SIPA1L3: variants seen among roughly 807,000 people sequenced by gnomAD.
The protein encoded by SIPA1L3 is signal induced proliferation associated 1 like 3, also known as signal-induced proliferation-associated 1-like protein 3.
Under a neutral mutation model 150.1 loss-of-function variants are expected in SIPA1L3, and 59 were observed. The observed-to-expected ratio is 0.39, with a 90% CI of 0.32 to 0.49. The LOEUF is 0.49. SIPA1L3 is among the 20% of genes least tolerant of loss of function. The probability of loss-of-function intolerance (pLI) is 0.86; values close to 1 mark genes in which losing one functional copy is unlikely to be tolerated. For synonymous variants in SIPA1L3, 1,070 were observed against 1,077.6 expected, an observed-to-expected ratio of 0.99 and a Z score of 0.14; for missense variants, 2,211 against 2,489.5, an observed-to-expected ratio of 0.89 and a Z score of 2.38.
At chr19:38,068,562 A>G (rs533057259) in intron 2 of SIPA1L3, among the ~76,000 whole-genome samples, 19 of 152,226 alleles carry the variant, frequency 1.2e-4, no homozygotes, top group Admixed American at 2.0e-4. Flanking sequence ...GATGGTCATG[A>G]TGGAAGTCCC....
chr19:38,004,081 C>T lies in SIPA1L3; in HGVS notation c.-378-25008C>T, dbSNP rs541112003. On this transcript the variant is annotated intron_variant, in intron 1 of 21. Transcript: ENST00000222345. The stretch of plus-strand genomic sequence containing the variant: ...CTTTTCAGCTACCCTTCAGTGCTTT[C>T]GAATAGTAATTGCTAACGTGTTGAG... Among the ~76,000 whole-genome samples the T allele has an allele frequency of 4.6e-5, 7 of 152,242 alleles. No homozygotes were observed. The East Asian group carries it at 1.4e-3, about 29-fold the overall frequency.
chr19:38,072,318 A>G (rs1259048482), intron 2 of SIPA1L3, among the ~76,000 whole-genome samples: 2 of 152,254 alleles, frequency 1.3e-5, no homozygotes, highest in East Asian at 1.9e-4. Flanking sequence ...GACCTGGACC[A>G]TAGAAGGATT....
chr19:37,947,262 G>C (rs2046720242), intron 1 of SIPA1L3, among the ~76,000 whole-genome samples: 1 of 151,688 alleles, frequency 6.6e-6, no homozygotes, highest in African/African-American at 2.4e-5. Context: ...GGCCGAGGCG[G>C]GCGGATCACA....
chr19:38,065,745 G>T (rs530948217), intron 2 of SIPA1L3, among the ~76,000 whole-genome samples: 3 of 152,162 alleles, frequency 2.0e-5, no homozygotes, highest in African/African-American at 7.2e-5. Context: ...CATGCTTGGC[G>T]TGCAGTGAGC....
intron 10 of SIPA1L3, among the ~76,000 whole-genome samples, chr19:38,139,528 T>G (rs1971522992): frequency 1.3e-5 from 2 of 152,084 alleles, no homozygotes; most frequent in Admixed American, 1.3e-4. Context: ...ACGTTCATAT[T>G]GTTATTGTTC....
intron 15 of SIPA1L3, among the ~76,000 whole-genome samples, chr19:38,173,969 C>A (rs1172809003): frequency 1.4e-5 from 2 of 146,294 alleles, no homozygotes; most frequent in African/African-American, 5.1e-5. Context: ...GAGAGGGGGG[C>A]AGATGGGGGG....
At chr19:37,953,217 T>A (rs968853443) in intron 1 of SIPA1L3, among the ~76,000 whole-genome samples, 1 of 152,040 alleles carries the variant, frequency 6.6e-6, no homozygotes, top group East Asian at 1.9e-4. Flanking sequence ...GAAAGTAGAG[T>A]TTAAGTCTGC....
At chr19:38,136,142 C>T (rs1207502285) in intron 10 of SIPA1L3, among the ~76,000 whole-genome samples, 1 of 125,908 alleles carries the variant, frequency 7.9e-6, no homozygotes, top group Non-Finnish European at 1.6e-5. Context: ...TGTGAGATCA[C>T]GCCACTGCAT....
intron 1 of SIPA1L3, among the ~76,000 whole-genome samples, chr19:37,957,792 A>G (rs1364129297): frequency 1.3e-5 from 2 of 152,044 alleles, no homozygotes; most frequent in Non-Finnish European, 2.9e-5. Context: ...AGCTCACTGC[A>G]GCCTCGACTT....
At chr19:37,957,131 A>G (rs1311818639) in intron 1 of SIPA1L3, among the ~76,000 whole-genome samples, 3 of 152,190 alleles carry the variant, frequency 2.0e-5, no homozygotes, top group Admixed American at 6.5e-5. Flanking sequence ...CTTCTGATCT[A>G]TTGGTTTAAA....
chr19:38,101,312 G>A (rs557383530), intron 6 of SIPA1L3, 86 bp downstream of exon 6: 5 of 993,916 alleles, frequency 5.0e-6, no homozygotes, highest in Admixed American at 3.6e-5. Context: ...GGGATGCCAC[G>A]GTGGGGACGT....
At chr19:38,069,632 AG>A (rs1969671024) in intron 2 of SIPA1L3, among the ~76,000 whole-genome samples, 1 of 152,034 alleles carries the variant, frequency 6.6e-6, no homozygotes, top group African/African-American at 2.4e-5. Context: ...AATCTCTGGG[AG>A]TGGGGTGTGG....
chr19:38,096,783 A>T (rs1249119256), intron 4 of SIPA1L3, among the ~76,000 whole-genome samples: 1 of 152,184 alleles, frequency 6.6e-6, no homozygotes, highest in African/African-American at 2.4e-5. Context: ...AACCACTTGG[A>T]AAACTGTTTG....
chr19:37,972,640 G>T (rs1215353032), intron 1 of SIPA1L3, among the ~76,000 whole-genome samples: 1 of 152,164 alleles, frequency 6.6e-6, no homozygotes, highest in Admixed American at 6.5e-5. Context: ...GGATTTTGAG[G>T]CTGCAGTGAG....
intron 10 of SIPA1L3, among the ~76,000 whole-genome samples, chr19:38,135,535 C>T (rs1166729741): frequency 2.6e-5 from 4 of 152,190 alleles, no homozygotes; most frequent in Non-Finnish European, 5.9e-5. Context: ...AGCCAGCTTG[C>T]GCATCGCATG....
intron 1 of SIPA1L3, among the ~76,000 whole-genome samples, chr19:38,004,444 G>A (rs991533447): frequency 6.6e-6 from 1 of 152,186 alleles, no homozygotes; most frequent in African/African-American, 2.4e-5. Context: ...TGTCTGGGCT[G>A]GCTGGTCCAG....
chr19:37,943,782 T>C (rs1172459072), intron 1 of SIPA1L3, among the ~76,000 whole-genome samples: 1 of 152,194 alleles, frequency 6.6e-6, no homozygotes, highest in Non-Finnish European at 1.5e-5. Context: ...CTTGGTGTCC[T>C]CTCAGAAGAG....
Position 38,141,310 on chromosome 19 carries a change from T to G in SIPA1L3, c.3270T>G (p.His1090Gln). 6.2e-7 allele frequency: 1 copy of G among 1,613,810 alleles called. No individual in the cohort carries two copies. Among genetic ancestry groups the G allele is most frequent in the Non-Finnish European group, 8.5e-7 (1 of 1,179,908 alleles). Residue 1090 changes from histidine (H) to glutamine (Q), a missense_variant, in exon 11 of 22, where the codon CAT (histidine) becomes CAG (glutamine). Transcript: ENST00000222345. ...GGCAGTGGAGCGGGCCCGCATCCCA[T>G]AACTCTCTACCAGCCTCCAAGTGGG... is the stretch of plus-strand genomic sequence containing the variant. ...APWQWSGPAS[H>Q]NSLPASKWAT... is the part of the protein sequence containing the mutation.
chr19:37,995,441 T>G (rs1379108928), intron 1 of SIPA1L3, among the ~76,000 whole-genome samples: 1 of 152,142 alleles, frequency 6.6e-6, no homozygotes, highest in Non-Finnish European at 1.5e-5. Flanking sequence ...CCTGCAGTTT[T>G]AACCCCTGTG....
Sources: allele counts gnomAD v4.1 joint callset (sites outside exome capture counted in the v4.1 genomes callset), GRCh38; gene constraint gnomAD v4.1.1; transcripts MANE v1.5; gene names NCBI Gene and HGNC (gene_info 2026-07-23, HGNC 2026-07-21).